The following TMEM178A variants were observed in gnomAD, a reference collection of about 807,000 sequenced individuals.
TMEM178A encodes transmembrane protein 178A.
Under a neutral mutation model 29.1 loss-of-function variants are expected in TMEM178A, and 12 were observed. That is an observed-to-expected ratio of 0.41 (90% confidence interval 0.26 to 0.67). The LOEUF (loss-of-function observed/expected upper bound fraction) is 0.67. Among genes scored for constraint, TMEM178A ranks in the 30% least tolerant of loss-of-function variants. The probability of loss-of-function intolerance (pLI) is 0.29; values close to 1 mark genes in which losing one functional copy is unlikely to be tolerated. For synonymous variants in TMEM178A, 210 were observed against 187.2 expected (o/e 1.12, Z -0.99); for missense variants, 366 against 419.1 (o/e 0.87, Z 1.11).
the TMEM178A span, among the ~76,000 whole-genome samples, chr2:39,726,957 T>C: frequency 1.3e-5 from 2 of 152,250 alleles, no homozygotes; most frequent in African/African-American, 4.8e-5. Context: ...CCTGACTCTC[T>C]TGAACATAAT....
At chr2:39,665,560 A>T (rs977149784), upstream of TMEM178A, 2 of 166,708 alleles carry the variant, frequency 1.2e-5, no homozygotes, top group East Asian at 1.5e-4. Context: ...GGTTAAGGGG[A>T]GAGAGGAGGA....
At position 39,717,266 on chromosome 2, in the gene TMEM178A, C is replaced by G; in HGVS notation, c.*15C>G. Reference sequence around the variant, plus strand: ...CCACGGTATGACTGTCCTCACTGGGCCTGTCCACAGTGCGAGCGACTCCTG... The same window carrying G: ...CCACGGTATGACTGTCCTCACTGGGGCTGTCCACAGTGCGAGCGACTCCTG... On this transcript the variant is annotated 3_prime_UTR_variant, in exon 4 of 4. Coordinates refer to ENST00000281961, the MANE Select transcript of TMEM178A (RefSeq NM_152390.3). The G allele has an allele frequency of 6.2e-7, 1 of 1,612,182 alleles. No homozygotes were observed. The highest frequency in any genetic ancestry group is 1.3e-5 in the African/African-American group (1 of 74,824).
intron 1 of TMEM178A, among the ~76,000 whole-genome samples, chr2:39,673,351 A>C (rs747867684): frequency 2.6e-5 from 4 of 152,226 alleles, no homozygotes; most frequent in Non-Finnish European, 4.4e-5. Flanking sequence ...AAGTGAACAA[A>C]CGGGGACAAA....
At position 39,665,966 on chromosome 2, in the gene TMEM178A, C is replaced by A; in HGVS notation, c.-9C>A. ...GAGCCCACCGGCGGCTGCGGCGGGG[C>A]GGGAAGCCATGGAGCCGCGGGCGCT... On this transcript the variant is annotated 5_prime_UTR_variant, in exon 1 of 4. Coordinates refer to ENST00000281961, the MANE Select transcript of TMEM178A (RefSeq NM_152390.3). 2 of 1,342,700 alleles carry A rather than the reference C, an allele frequency of 1.5e-6. No individual in the cohort carries two copies. Among genetic ancestry groups the A allele is most frequent in the South Asian group, 4.0e-5 (2 of 49,600 alleles). The allele number at this position is 1,342,700 out of a possible 1,614,324, so 83.2% of individuals were successfully genotyped here. A position where few individuals can be genotyped will look rare whatever the true frequency, so the allele number is the denominator to read the frequency against.
intron 1 of TMEM178A, among the ~76,000 whole-genome samples, chr2:39,699,934 T>C (rs1187607156): frequency 6.6e-6 from 1 of 152,218 alleles, no homozygotes; most frequent in Non-Finnish European, 1.5e-5. Flanking sequence ...TTACTTAATT[T>C]CCACAAATTT....
At chr2:39,730,126 G>A in the TMEM178A span, among the ~76,000 whole-genome samples, 1 of 152,126 alleles carries the variant, frequency 6.6e-6, no homozygotes, top group Non-Finnish European at 1.5e-5. Flanking sequence ...CTGTCCAGTG[G>A]AATCAAGGAC....
At chr2:39,720,158 C>A (rs560522154), downstream of TMEM178A, among the ~76,000 whole-genome samples, 59 of 152,288 alleles carry the variant, frequency 3.9e-4, 1 homozygote, top group African/African-American at 1.2e-3. Context: ...TTTCATACTT[C>A]ACAACATTCT....
chr2:39,710,426 A>G (rs962629555), intron 3 of TMEM178A, among the ~76,000 whole-genome samples: 5 of 152,174 alleles, frequency 3.3e-5, no homozygotes, highest in African/African-American at 9.7e-5. Context: ...AAATCTTGCC[A>G]TGTATTTGCT....
chr2:39,712,525 A>C (rs1018978383), intron 3 of TMEM178A, among the ~76,000 whole-genome samples: 1 of 152,216 alleles, frequency 6.6e-6, no homozygotes, highest in African/African-American at 2.4e-5. Flanking sequence ...TCTTCTAATT[A>C]GGAATATTGG....
downstream of TMEM178A, among the ~76,000 whole-genome samples, chr2:39,722,963 C>T (rs1243193257): frequency 1.3e-5 from 2 of 152,106 alleles, no homozygotes; most frequent in Admixed American, 1.3e-4. Context: ...GAAGTGGCAT[C>T]CTCTGGGGAT....
chr2:39,665,680 G>T (rs1194989478), upstream of TMEM178A: 2 of 292,182 alleles, frequency 6.8e-6, no homozygotes, highest in Non-Finnish European at 1.2e-5. Context: ...GGTGGGGGGC[G>T]CCGGGGCGAG....
At chr2:39,675,265 C>T (rs961854177) in intron 1 of TMEM178A, among the ~76,000 whole-genome samples, 22 of 152,056 alleles carry the variant, frequency 1.4e-4, no homozygotes, top group African/African-American at 5.3e-4. Context: ...GATGAGTGCT[C>T]AGTCCCCCAA....
intron 1 of TMEM178A, among the ~76,000 whole-genome samples, chr2:39,675,375 G>C (rs530069400): frequency 6.6e-6 from 1 of 150,964 alleles, no homozygotes; most frequent in Non-Finnish European, 1.5e-5. Flanking sequence ...CATCTGATTT[G>C]GGAAAGTTAA....
upstream of TMEM178A, chr2:39,665,742 G>A (rs1670113262): frequency 2.6e-6 from 1 of 377,494 alleles, no homozygotes; most frequent in Admixed American, 4.7e-5. Flanking sequence ...GCGGCGCGGG[G>A]GAGGGCTAGG....
chr2:39,713,714 G>A (rs560509051), intron 3 of TMEM178A, among the ~76,000 whole-genome samples: 25 of 152,298 alleles, frequency 1.6e-4, no homozygotes, highest in Non-Finnish European at 3.4e-4. Flanking sequence ...CACCCAGTCC[G>A]TGGTACTTTG....
At chr2:39,733,527 C>G in the TMEM178A span, among the ~76,000 whole-genome samples, 4 of 152,208 alleles carry the variant, frequency 2.6e-5, no homozygotes, top group African/African-American at 9.7e-5. Context: ...TTGTGTAACT[C>G]AGCATCTCCT....
downstream of TMEM178A, among the ~76,000 whole-genome samples, chr2:39,720,142 T>A (rs1383568476): frequency 6.6e-6 from 1 of 152,238 alleles, no homozygotes; most frequent in Non-Finnish European, 1.5e-5. Context: ...TCCCATTGGC[T>A]GTGCATTTCA....
chr2:39,721,160 C>T (rs559418429), downstream of TMEM178A, among the ~76,000 whole-genome samples: 11 of 152,352 alleles, frequency 7.2e-5, no homozygotes, highest in Non-Finnish European at 1.3e-4. Flanking sequence ...TGCCCTTTGA[C>T]TGGAAGAAGA....
rs377174385 is a variant in TMEM178A, at chr2:39,707,158, C to G, written c.624C>G (p.His208Gln). 6.2e-7 allele frequency: 1 copy of G among 1,613,828 alleles called. No homozygotes were observed. The highest frequency in any genetic ancestry group is 8.5e-7 in the Non-Finnish European group (1 of 1,179,878). ...SFFWEESLTQ[H>Q]VAGLLFLMTG... ...TCTGGGAGGAGAGCTTGACCCAGCACGTGGCTGGACTCCTGTTCCTCATGA... is the reference window on the plus strand; with the variant it reads ...TCTGGGAGGAGAGCTTGACCCAGCAGGTGGCTGGACTCCTGTTCCTCATGA... The change falls in exon 3 of 4, where the codon CAC becomes CAG. Residue 208 changes from histidine (H) to glutamine (Q), a missense_variant. His to Gln is a conservative substitution (Grantham distance 24). Around this residue, in one of 2 missense-constraint regions of TMEM178A, gnomAD observed 119 missense variants for 172.2 expected, o/e 0.69. Transcript: ENST00000281961.
Sources: gnomAD v4.1 joint callset for allele counts (sites outside exome capture counted in the v4.1 genomes callset) on GRCh38, gnomAD v4.1.1 for gene constraint, gnomAD v4.1.1 regional missense constraint, MANE v1.5 for transcripts, NCBI Gene and HGNC (gene_info 2026-07-23, HGNC 2026-07-21) for gene names.